The following TPRG1 variants were observed in gnomAD, a reference collection of about 807,000 sequenced individuals.
TPRG1 encodes the protein tumor protein p63 regulated 1.
A neutral mutation model predicts 29.3 loss-of-function variants in TPRG1; 29 were observed. The ratio of observed to expected loss-of-function variants is 0.99; its 90% confidence interval spans 0.74 to 1.35. The LOEUF (loss-of-function observed/expected upper bound fraction) is 1.35. Among genes scored for constraint, TPRG1 ranks in the 40% most tolerant of loss-of-function variants. The pLI, the probability that TPRG1 is intolerant of heterozygous loss-of-function variation, is 0.00. For synonymous variants in TPRG1, 130 were observed against 116.8 expected (o/e 1.11, Z -0.73); for missense variants, 327 against 335.0 (o/e 0.98, Z 0.19).
At position 189,238,747 on chromosome 3, in the gene TPRG1, A is replaced by G; in HGVS notation, c.317A>G (p.Asn106Ser). The change falls in exon 4 of 6, where the codon AAC (asparagine) becomes AGC (serine). Residue 106 changes from asparagine (N) to serine (S), a missense_variant. By Grantham distance (46) the Asn-to-Ser change is conservative. Coordinates refer to ENST00000345063, the MANE Select transcript of TPRG1 (RefSeq NM_198485.4). ...GATTCCTATAGGATAGACCACTGGAACAATGAGAAGGAGAGAATTCTACTG... is the reference window on the plus strand; with the variant it reads ...GATTCCTATAGGATAGACCACTGGAGCAATGAGAAGGAGAGAATTCTACTG... ...FWLLTKIDHW[N>S]NEKERILLVT... 6.2e-7 allele frequency: 1 copy of G among 1,612,050 alleles called. No individual in the cohort carries two copies. Among genetic ancestry groups the G allele is most frequent in the Non-Finnish European group, 8.5e-7 (1 of 1,178,792 alleles).
At chr3:189,315,548 C>A (rs191008322) in intron 5 of TPRG1, 15 of 454,394 alleles carry the variant, frequency 3.3e-5, no homozygotes, top group Admixed American at 2.8e-4. Flanking sequence ...TGATGAATAG[C>A]AGTGAACGCA....
At chr3:189,074,314 T>G (rs1339712077) in intron 4 of TPRG1, among the ~76,000 whole-genome samples, 1 of 151,500 alleles carries the variant, frequency 6.6e-6, no homozygotes, top group African/African-American at 2.4e-5. Context: ...CGCGCCATTT[T>G]CCTGCCTCAG....
At chr3:189,026,521 G>A (rs554277689) in intron 4 of TPRG1, among the ~76,000 whole-genome samples, 2 of 152,280 alleles carry the variant, frequency 1.3e-5, no homozygotes, top group South Asian at 2.1e-4. Context: ...ACTAGCCCTG[G>A]TATTGGGGAA....
chr3:189,324,240 T>C lies in TPRG1; in HGVS notation c.*3420T>C, dbSNP rs1390291873. ...TAAGAAGGCAGAAAAACCATGTCAA[T>C]TCAGTGCTTTTATTTCACAGAAAAT... On this transcript the variant is annotated 3_prime_UTR_variant, in exon 6 of 6. Transcript: ENST00000345063. 5 of 152,148 alleles carry C rather than the reference T, an allele frequency of 3.3e-5. No individual in the cohort carries two copies. The East Asian group carries it at 9.6e-4, about 29-fold the overall frequency. 9.4% of individuals were successfully genotyped at this position (152,148 alleles called of 1,614,324 possible).
At chr3:189,215,515 G>A in intron 3 of TPRG1, 132 bp downstream of exon 3, 3 of 794,316 alleles carry the variant, frequency 3.8e-6, no homozygotes, top group Non-Finnish European at 6.1e-6. Context: ...TGAATTACCA[G>A]GTTAGTCACA....
chr3:189,084,843 C>T (rs1717831204), intron 4 of TPRG1, among the ~76,000 whole-genome samples: 2 of 152,174 alleles, frequency 1.3e-5, no homozygotes, highest in South Asian at 4.1e-4. Flanking sequence ...TTACGCAACA[C>T]TTGACCTTAC....
chr3:189,186,755 TG>T (rs1730972528), intron 1 of TPRG1, among the ~76,000 whole-genome samples: 1 of 115,806 alleles, frequency 8.6e-6, no homozygotes. Flanking sequence ...CTAGTACATA[TG>T]AAAAAAAAAA....
chr3:189,299,626 ATT>A (rs60136863), intron 4 of TPRG1, among the ~76,000 whole-genome samples: 100 of 135,540 alleles, frequency 7.4e-4, no homozygotes, highest in Non-Finnish European at 8.1e-4. Flanking sequence ...TGAGTTGTGT[ATT>A]TTTTTTTTTT....
chr3:189,047,392 A>G (rs1715046238), intron 4 of TPRG1, among the ~76,000 whole-genome samples: 1 of 152,222 alleles, frequency 6.6e-6, no homozygotes, highest in South Asian at 2.1e-4. Context: ...TATTGCTAAG[A>G]AAATGGTAAC....
At chr3:189,173,199 G>T (rs1264923259) in intron 1 of TPRG1, among the ~76,000 whole-genome samples, 3 of 152,098 alleles carry the variant, frequency 2.0e-5, no homozygotes, top group Admixed American at 2.0e-4. Context: ...GTGTGTGCAT[G>T]TGTGTATGTG....
chr3:189,068,819 G>C (rs180768185), intron 4 of TPRG1, among the ~76,000 whole-genome samples: 7 of 151,086 alleles, frequency 4.6e-5, no homozygotes, highest in Non-Finnish European at 8.9e-5. Context: ...AGGGAGGAGG[G>C]AGGAGGGAGG....
intron 1 of TPRG1, among the ~76,000 whole-genome samples, chr3:189,194,922 A>C (rs1425226566): frequency 1.3e-5 from 2 of 152,122 alleles, no homozygotes; most frequent in East Asian, 3.9e-4. Context: ...GGGGTGTCTC[A>C]GCAGCTAAGA....
chr3:189,203,581 G>A (rs1206588893), intron 1 of TPRG1, among the ~76,000 whole-genome samples: 1 of 152,152 alleles, frequency 6.6e-6, no homozygotes, highest in Non-Finnish European at 1.5e-5. Context: ...TTGAATGCCT[G>A]TGTAATACCA....
chr3:189,195,617 C>A (rs543616007), intron 1 of TPRG1, among the ~76,000 whole-genome samples: 1 of 152,324 alleles, frequency 6.6e-6, no homozygotes, highest in East Asian at 1.9e-4. Flanking sequence ...TCAGCATCTC[C>A]TCTGGAGGGA....
At chr3:189,192,033 G>A (rs183716877) in intron 1 of TPRG1, among the ~76,000 whole-genome samples, 11 of 152,268 alleles carry the variant, frequency 7.2e-5, no homozygotes, top group African/African-American at 9.6e-5. Context: ...GGGACAAATC[G>A]GGGCACAGGA....
chr3:189,182,034 C>G (rs561208390), intron 1 of TPRG1, among the ~76,000 whole-genome samples: 7 of 152,084 alleles, frequency 4.6e-5, no homozygotes, highest in African/African-American at 1.7e-4. Context: ...TCAGATCTCC[C>G]GAGACTTATT....
chr3:189,204,027 G>A (rs927724989), intron 1 of TPRG1, among the ~76,000 whole-genome samples: 4 of 118,292 alleles, frequency 3.4e-5, no homozygotes, highest in South Asian at 3.3e-4. Flanking sequence ...GTGACAGAGC[G>A]AGACTGTCTC....
chr3:189,000,443 TC>T (rs1165030934), intron 1 of TPRG1, among the ~76,000 whole-genome samples: 1 of 152,130 alleles, frequency 6.6e-6, no homozygotes, highest in Non-Finnish European at 1.5e-5. Context: ...TTGTTCCATA[TC>T]CTTTATTTAC....
chr3:189,194,022 T>C (rs1256842420), intron 1 of TPRG1, among the ~76,000 whole-genome samples: 1 of 151,166 alleles, frequency 6.6e-6, no homozygotes, highest in Non-Finnish European at 1.5e-5. Context: ...GTGCATATGG[T>C]CAATCATCTC....
Sources: allele counts gnomAD v4.1 joint callset (sites outside exome capture counted in the v4.1 genomes callset), GRCh38; gene constraint gnomAD v4.1.1; transcripts MANE v1.5; gene names NCBI Gene and HGNC (gene_info 2026-07-23, HGNC 2026-07-21).